Variants in ME1 observed in about 807,000 individuals in gnomAD.
The protein encoded by ME1 is NADP-dependent malic enzyme.
In ME1, 74 loss-of-function variants were observed where a neutral mutation model predicts 66.4. The observed-to-expected ratio is 1.11, with a 90% confidence interval of 0.92 to 1.35. ME1 has a LOEUF of 1.35. Ranked by LOEUF, ME1 falls within the 40% of genes most tolerant of loss-of-function variation. ME1 has a pLI of 0.00. For synonymous variants in ME1, 251 were observed against 235.6 expected (o/e 1.07, Z -0.60); for missense variants, 750 against 694.1 (o/e 1.08, Z -0.90).
At position 83,210,566 on chromosome 6, in the gene ME1, C is replaced by CTA. The variant is rs1227131608; in HGVS notation, c.*1356_*1357dup. On this transcript the variant is annotated 3_prime_UTR_variant, in exon 14 of 14. Coordinates refer to ENST00000369705, the MANE Select transcript of ME1 (RefSeq NM_002395.6). ...ATAACTATTTTGAGGAAACTCTTGA[C>CTA]TATATGTTACCTTTAGAAATACCTT... 3 of 152,480 alleles carry CTA rather than the reference C, an allele frequency of 2.0e-5. No individual in the cohort carries two copies. Among genetic ancestry groups the CTA allele is most frequent in the Non-Finnish European group, 4.4e-5 (3 of 68,022 alleles). 9.4% of individuals were successfully genotyped at this position (152,480 alleles called of 1,614,324 possible).
chr6:83,430,917 T>C lies in ME1; in HGVS notation c.38A>G (p.Gln13Arg). Residue 13 changes from glutamine (Q) to arginine (R), a missense_variant, in exon 1 of 14, where the codon CAG becomes CGG. Physicochemically the swap from Gln to Arg is conservative, Grantham distance 43. Coordinates refer to ENST00000369705, the MANE Select transcript of ME1 (RefSeq NM_002395.6). ...GTTCCGTGTCAGCAGGTAGCCGCGC[T>C]GATGGGTGTGGCGGCGACGGGGGGC... ...PEAPRRRHTH[Q>R]RGYLLTRNPH... The C allele has an allele frequency of 6.2e-7, 1 of 1,602,158 alleles. No homozygotes were observed. The highest frequency in any genetic ancestry group is 8.5e-7 in the Non-Finnish European group (1 of 1,174,822).
At chr6:83,230,826 A>G (rs973218118) in intron 9 of ME1, among the ~76,000 whole-genome samples, 1 of 152,038 alleles carries the variant, frequency 6.6e-6, no homozygotes, top group East Asian at 1.9e-4. Context: ...CCAGCTACTC[A>G]GGAGGCTGAG....
Position 83,319,290 on chromosome 6 carries a change from A to G in ME1, c.601-3877T>C, listed in dbSNP as rs1351724486. 5.3e-5 allele frequency among the ~76,000 whole-genome samples: 8 copies of G among 151,944 alleles called. No homozygotes were observed. The East Asian group carries it at 1.5e-3, about 29-fold the overall frequency. On this transcript the variant is annotated intron_variant, in intron 5 of 13. Coordinates refer to ENST00000369705, the MANE Select transcript of ME1 (RefSeq NM_002395.6). ...GCACAATGTGCACATGTACCCTAAAACTTAAAGTATAATAATAAAAAAAAT... is the reference window on the plus strand; with the variant it reads ...GCACAATGTGCACATGTACCCTAAAGCTTAAAGTATAATAATAAAAAAAAT...
At chr6:83,398,235 T>C (rs532532557) in intron 3 of ME1, 132 bp downstream of exon 3, 6 of 595,044 alleles carry the variant, frequency 1.0e-5, no homozygotes, top group Non-Finnish European at 1.7e-5. Context: ...TTTCAGAACA[T>C]CCTCTGTACA....
At chr6:83,409,570 T>C (rs573235160) in intron 1 of ME1, among the ~76,000 whole-genome samples, 24 of 152,330 alleles carry the variant, frequency 1.6e-4, no homozygotes, top group African/African-American at 4.6e-4. Context: ...CATATAGATA[T>C]ACCCATTAAT....
intron 3 of ME1, among the ~76,000 whole-genome samples, chr6:83,395,277 G>C (rs1769707124): frequency 6.6e-6 from 1 of 151,664 alleles, no homozygotes; most frequent in East Asian, 1.9e-4. Context: ...AGTAGAGATA[G>C]GGTTTCACCA....
chr6:83,320,468 T>C (rs1213949690), intron 5 of ME1, among the ~76,000 whole-genome samples: 3 of 152,226 alleles, frequency 2.0e-5, no homozygotes, highest in Middle Eastern at 3.2e-3. Context: ...AGTTATATCA[T>C]ATAAATATAT....
intron 3 of ME1, among the ~76,000 whole-genome samples, chr6:83,383,340 A>T (rs888585644): frequency 1.3e-5 from 2 of 151,924 alleles, no homozygotes; most frequent in Non-Finnish European, 2.9e-5. Flanking sequence ...AATGTTACTG[A>T]CTCAATCTCT....
At chr6:83,346,398 C>T in intron 4 of ME1, 64 bp from the exon 5 acceptor site, 4 of 1,189,656 alleles carry the variant, frequency 3.4e-6, no homozygotes, top group African/African-American at 1.6e-5. Context: ...CAATTTCTGA[C>T]TCTATTTCTG....
intron 9 of ME1, among the ~76,000 whole-genome samples, chr6:83,236,831 A>G (rs901863116): frequency 1.3e-5 from 2 of 152,098 alleles, no homozygotes; most frequent in Non-Finnish European, 2.9e-5. Context: ...CTAATGTACA[A>G]TTTGATCACC....
Position 83,237,646 on chromosome 6 carries a change from A to G in ME1, c.1026+71T>C, listed in dbSNP as rs748792329. 1.2e-4 allele frequency: 87 copies of G among 725,850 alleles called. 1 individual carries two copies. The highest frequency in any genetic ancestry group is 1.9e-4 in the Non-Finnish European group (85 of 438,024). 45.0% of individuals were successfully genotyped at this position (725,850 alleles called of 1,614,324 possible). ...GTGTAAAGGGAGGTGGTAGAAACAG[A>G]GTTGTCTTTGAGATGGCCATCCAGA... On this transcript the variant is annotated intron_variant, in intron 9 of 13. Transcript: ENST00000369705.
chr6:83,271,934 T>C (rs1767088712), intron 6 of ME1, among the ~76,000 whole-genome samples: 1 of 152,192 alleles, frequency 6.6e-6, no homozygotes. Flanking sequence ...GACACAGGCA[T>C]GCAATGCATA....
chr6:83,361,917 G>A (rs1769012743), intron 3 of ME1, among the ~76,000 whole-genome samples: 1 of 152,144 alleles, frequency 6.6e-6, no homozygotes, highest in Non-Finnish European at 1.5e-5. Context: ...CGTGTCCATG[G>A]TCTCCACTCC....
intron 3 of ME1, among the ~76,000 whole-genome samples, chr6:83,377,901 C>T (rs992240252): frequency 6.6e-6 from 1 of 151,894 alleles, no homozygotes; most frequent in African/African-American, 2.4e-5. Context: ...AGGTTTGAGG[C>T]AATAATTAAT....
At chr6:83,274,385 T>C (rs1220205386) in intron 6 of ME1, among the ~76,000 whole-genome samples, 1 of 152,110 alleles carries the variant, frequency 6.6e-6, no homozygotes, top group Admixed American at 6.6e-5. Context: ...TTAAAAAAAA[T>C]TGAAGGATTT....
intron 12 of ME1, among the ~76,000 whole-genome samples, chr6:83,222,823 G>C (rs1003287385): frequency 6.6e-6 from 1 of 152,180 alleles, no homozygotes; most frequent in Non-Finnish European, 1.5e-5. Flanking sequence ...TGCAAGTAGA[G>C]TAAAATCTCA....
chr6:83,415,123 A>G (rs1204481915), intron 1 of ME1, among the ~76,000 whole-genome samples: 1 of 152,190 alleles, frequency 6.6e-6, no homozygotes, highest in Non-Finnish European at 1.5e-5. Context: ...TGCCTATGAT[A>G]GTGTGTATAG....
chr6:83,412,990 C>T (rs1242426864), intron 1 of ME1, among the ~76,000 whole-genome samples: 1 of 152,074 alleles, frequency 6.6e-6, no homozygotes, highest in African/African-American at 2.4e-5. Context: ...TTATTAGACT[C>T]TATAGAGTCA....
intron 3 of ME1, among the ~76,000 whole-genome samples, chr6:83,358,670 T>A (rs1768947071): frequency 6.6e-6 from 1 of 152,040 alleles, no homozygotes; most frequent in African/African-American, 2.4e-5. Context: ...CCAATGAAAC[T>A]GGGGACACTG....
Sources: allele counts gnomAD v4.1 joint callset (sites outside exome capture counted in the v4.1 genomes callset), GRCh38; gene constraint gnomAD v4.1.1; transcripts MANE v1.5; gene names NCBI Gene and HGNC (gene_info 2026-07-23, HGNC 2026-07-21).